Variants in DIDO1 observed in about 807,000 individuals in gnomAD.
DIDO1 encodes the protein death inducer-obliterator 1, also known as death-inducer obliterator 1.
A neutral mutation model predicts 99.4 loss-of-function variants in DIDO1; 16 were observed. That is an observed-to-expected ratio of 0.16 (90% CI 0.11 to 0.24). The LOEUF (loss-of-function observed/expected upper bound fraction) is 0.24, where lower values mean the gene tolerates loss of function less well. Ranked by LOEUF, DIDO1 falls within the 10% of genes least tolerant of loss-of-function variation. DIDO1 has a pLI of 1.00. For synonymous variants in DIDO1, 1,366 were observed against 1,239.1 expected (o/e 1.10, Z -2.15); for missense variants, 2,996 against 3,014.0 (o/e 0.99, Z 0.14).
intron 1 of DIDO1, among the ~76,000 whole-genome samples, chr20:62,916,402 T>A (rs1006461234): frequency 6.6e-6 from 1 of 152,234 alleles, no homozygotes; most frequent in African/African-American, 2.4e-5. Context: ...GGACACACAC[T>A]GACTTCCAAA....
At chr20:62,921,867 A>G (rs2065143650) in intron 1 of DIDO1, among the ~76,000 whole-genome samples, 1 of 150,888 alleles carries the variant, frequency 6.6e-6, no homozygotes, top group African/African-American at 2.4e-5. Context: ...CCCGCTATAT[A>G]TATATCCACA....
chr20:62,894,271 A>T lies in DIDO1; in HGVS notation c.2573-77T>A. The T allele has an allele frequency of 6.3e-7, 1 of 1,577,820 alleles. No individual in the cohort carries two copies. The highest frequency in any genetic ancestry group is 1.4e-5 in the African/African-American group (1 of 73,990). On this transcript the variant is annotated intron_variant, in intron 11 of 15. Coordinates refer to ENST00000395343, the MANE Select transcript of DIDO1 (RefSeq NM_001193369.2). The surrounding 1 kb of genome is among the most constrained non-coding windows in gnomAD (Gnocchi z 4.4). ...TTTCTCACACAAAGCCGAAAGCAAT[A>T]CTCTAAAGGCAGGGCAGGAAATCAT...
intron 15 of DIDO1, among the ~76,000 whole-genome samples, chr20:62,885,609 G>A (rs1019854823): frequency 1.3e-5 from 2 of 152,164 alleles, no homozygotes; most frequent in African/African-American, 2.4e-5. Context: ...TGCAAACACT[G>A]GTGACTGAAT....
At chr20:62,932,113 A>G (rs2065337734) in intron 1 of DIDO1, among the ~76,000 whole-genome samples, 1 of 152,214 alleles carries the variant, frequency 6.6e-6, no homozygotes, top group African/African-American at 2.4e-5. Context: ...GCCTCAAGGG[A>G]TTCCCCTGTC....
intron 15 of DIDO1, chr20:62,890,157 G>A: frequency 3.0e-6 from 3 of 985,898 alleles, no homozygotes; most frequent in Non-Finnish European, 3.6e-6. Flanking sequence ...TTATGACGAA[G>A]CACTTCAGAG....
Position 62,879,348 on chromosome 20 carries a change from C to G in DIDO1, c.6608G>C (p.Arg2203Thr), listed in dbSNP as rs779110798. The G allele has an allele frequency of 6.4e-7, 1 of 1,551,894 alleles. No individual in the cohort carries two copies. Among genetic ancestry groups the G allele is most frequent in the Non-Finnish European group, 8.7e-7 (1 of 1,150,270 alleles). ...RSRERDRDKA[R>T]DRERGRDRKD... is the part of the protein sequence containing the mutation. ...GCGGTCGCGGCCCCGCTCCCTGTCC[C>G]TGGCCTTGTCTCGGTCCCGCTCTCT... Residue 2203 changes from arginine (R) to threonine (T), a missense_variant, in exon 16 of 16, where the codon AGG becomes ACG. Arg to Thr is a moderately conservative substitution (Grantham distance 71). Transcript: ENST00000395343. The surrounding 1 kb of genome is among the most constrained non-coding windows in gnomAD (Gnocchi z 6.3).
At chr20:62,887,161 G>A (rs1426002949) in intron 15 of DIDO1, 2 of 985,370 alleles carry the variant, frequency 2.0e-6, no homozygotes, top group East Asian at 2.3e-4. Flanking sequence ...AGGGGCCTAG[G>A]ATAGGTGACC....
In DIDO1 at chr20:62,881,722, T is replaced by C. The variant is rs2064210261; in HGVS notation, c.4234A>G (p.Arg1412Gly). Residue 1412 changes from arginine (R) to glycine (G), a missense_variant, in exon 16 of 16, where the codon AGG becomes GGG. Coordinates refer to ENST00000395343, the MANE Select transcript of DIDO1 (RefSeq NM_001193369.2). The surrounding 1 kb of genome is among the most constrained non-coding windows in gnomAD (Gnocchi z 8.3). ...VERGRRHEVERAPEAAAAERE... is the reference protein window; with the variant it reads ...VERGRRHEVEGAPEAAAAERE... ...TCGGCTGCAGCTGCTTCAGGAGCCCTTTCCACCTCGTGGCGCCGCCCTCGC... is the reference window on the plus strand; with the variant it reads ...TCGGCTGCAGCTGCTTCAGGAGCCCCTTCCACCTCGTGGCGCCGCCCTCGC... The C allele has an allele frequency of 3.1e-6, 5 of 1,612,976 alleles. No homozygotes were observed. In the East Asian group the frequency reaches 8.9e-5, roughly 29 times the overall value.
chr20:62,932,943 T>C (rs1455533344), intron 1 of DIDO1, among the ~76,000 whole-genome samples: 11 of 152,154 alleles, frequency 7.2e-5, no homozygotes. Flanking sequence ...CCAGGCGCCA[T>C]GGCTCATGCC....
At chr20:62,927,913 T>C (rs2065281420), upstream of DIDO1, among the ~76,000 whole-genome samples, 1 of 152,194 alleles carries the variant, frequency 6.6e-6, no homozygotes, top group Admixed American at 6.5e-5. Context: ...GAGGGCTTTT[T>C]GCTCTCAGAC....
upstream of DIDO1, among the ~76,000 whole-genome samples, chr20:62,930,770 A>C (rs1433964624): frequency 6.6e-6 from 1 of 152,232 alleles, no homozygotes; most frequent in Non-Finnish European, 1.5e-5. Flanking sequence ...GGGATGATGG[A>C]TCTTTCTTTG....
intron 1 of DIDO1, among the ~76,000 whole-genome samples, chr20:62,919,571 C>T (rs1481577512): frequency 1.3e-5 from 2 of 151,838 alleles, no homozygotes; most frequent in Admixed American, 1.3e-4. Context: ...AGCAAGGGTG[C>T]CACAACACAG....
At chr20:62,933,713 T>C (rs763456449) in intron 1 of DIDO1, among the ~76,000 whole-genome samples, 4 of 152,042 alleles carry the variant, frequency 2.6e-5, no homozygotes, top group Non-Finnish European at 5.9e-5. Flanking sequence ...CTACAAAAAA[T>C]AAACAAAATT....
rs1297183653 is a variant in DIDO1 at position 62,879,563 on chromosome 20, C to T, written c.6393G>A (p.Arg2131=). ...RNWSRERDWD[R]PREWDRHRDK... is the part of the protein sequence containing the mutation. ...CCCGGTGTCGGTCCCACTCCCGGGG[C>T]CGGTCCCAGTCCCGCTCTCGGCTCC... The change falls in exon 16 of 16, where the codon CGG becomes CGA. Residue 2131 remains arginine (R), a synonymous_variant. Transcript: ENST00000395343. The surrounding 1 kb of genome is among the most constrained non-coding windows in gnomAD (Gnocchi z 6.3). The T allele has an allele frequency of 6.2e-7, 1 of 1,601,154 alleles. No individual in the cohort carries two copies. The highest frequency in any genetic ancestry group is 8.5e-7 in the Non-Finnish European group (1 of 1,179,314).
At chr20:62,935,290 C>T (rs2065370852) in intron 1 of DIDO1, among the ~76,000 whole-genome samples, 1 of 152,138 alleles carries the variant, frequency 6.6e-6, no homozygotes, top group Admixed American at 6.5e-5. Flanking sequence ...CAGTTAAGAT[C>T]CTCATAATCA....
In DIDO1 at chr20:62,911,575, G is replaced by C; in HGVS notation, c.38C>G (p.Pro13Arg). 1 of 1,603,726 alleles carries C rather than the reference G, an allele frequency of 6.2e-7. No homozygotes were observed. ...TTTGCTGGTGGGTTTGATGGCCTTA[G>C]GTGCCTCCTCATTGCTCGGGTCGCC... ...DKGDPSNEEA[P>R]KAIKPTSKEF... The change falls in exon 3 of 16, where the codon CCT becomes CGT. Residue 13 changes from proline to arginine, a missense_variant. By Grantham distance (103) the Pro-to-Arg change is moderately radical. Coordinates refer to ENST00000395343, the MANE Select transcript of DIDO1 (RefSeq NM_001193369.2). The surrounding 1 kb of genome is among the most constrained non-coding windows in gnomAD (Gnocchi z 7.0).
rs745310643 is a variant in DIDO1, at chr20:62,895,032, T to C, written c.2331+17A>G. ...CTCGAGTCCTGGGTGCCTCCGCAGG[T>C]ACCCCTCAGCACTCACAGATCTCGC... On this transcript the variant is annotated intron_variant, in intron 9 of 15. Coordinates refer to ENST00000395343, the MANE Select transcript of DIDO1 (RefSeq NM_001193369.2). The C allele has an allele frequency of 1.3e-6, 2 of 1,597,106 alleles. No homozygotes were observed. Among genetic ancestry groups the C allele is most frequent in the South Asian group, 2.2e-5 (2 of 90,804 alleles).
intron 15 of DIDO1, among the ~76,000 whole-genome samples, chr20:62,885,228 G>A (rs778699377): frequency 2.4e-4 from 36 of 152,190 alleles, no homozygotes; most frequent in Admixed American, 1.4e-3. Context: ...AACAGACACA[G>A]GCATGGGCTA....
rs148734816 is a variant in DIDO1, at chr20:62,907,989, T to C, written c.1162-630A>G. Among the ~76,000 whole-genome samples the C allele has an allele frequency of 1.8e-4, 27 of 152,270 alleles. No homozygotes were observed. In the East Asian group the frequency reaches 5.2e-3, roughly 29 times the overall value. ...CCAAATTGCATGAAACATACTTTTT[T>C]TTTTGTTTGAGACAGGGTCTCGCTC... is the stretch of plus-strand genomic sequence containing the variant. On this transcript the variant is annotated intron_variant, in intron 4 of 15. Coordinates refer to ENST00000395343, the MANE Select transcript of DIDO1 (RefSeq NM_001193369.2).
Sources: gnomAD v4.1 joint callset for allele counts (sites outside exome capture counted in the v4.1 genomes callset) on GRCh38, gnomAD v4.1.1 for gene constraint, Gnocchi (gnomAD v3.1) non-coding constraint, MANE v1.5 for transcripts, NCBI Gene and HGNC (gene_info 2026-07-23, HGNC 2026-07-21) for gene names.